Variants in HPSE2 observed in about 807,000 individuals in gnomAD.
HPSE2 encodes heparanase 2 (inactive), also known as inactive heparanase-2.
In HPSE2, 38 loss-of-function variants were observed where a neutral mutation model predicts 60.5. The observed-to-expected ratio is 0.63, with a 90% CI of 0.48 to 0.82. The LOEUF is 0.82. Among genes scored for constraint, HPSE2 ranks in the 40% least tolerant of loss-of-function variants. The pLI is 0.00. For synonymous variants in HPSE2, 295 were observed against 293.2 expected, an observed-to-expected ratio of 1.01 and a Z score of -0.06; for missense variants, 713 against 740.4, an observed-to-expected ratio of 0.96 and a Z score of 0.43.
chr10:99,027,956 C>G (rs907298614), intron 3 of HPSE2, among the ~76,000 whole-genome samples: 14 of 152,170 alleles, frequency 9.2e-5, no homozygotes, highest in Admixed American at 6.6e-4. Context: ...ATTTACCATC[C>G]CTTCATAATA....
chr10:99,216,188 C>CTTTTTTTTT (rs550046406), intron 2 of HPSE2, among the ~76,000 whole-genome samples: 2 of 97,650 alleles, frequency 2.0e-5, no homozygotes, highest in African/African-American at 8.4e-5. Context: ...ATAACCTAAA[C>CTTTTTTTTT]TTTTTTTTTT....
intron 6 of HPSE2, among the ~76,000 whole-genome samples, chr10:98,687,264 G>C (rs1247655931): frequency 6.6e-6 from 1 of 152,120 alleles, no homozygotes; most frequent in Non-Finnish European, 1.5e-5. Context: ...AGATGCTAAG[G>C]GAAAATTCAT....
chr10:99,272,753 T>TA, the HPSE2 span, among the ~76,000 whole-genome samples: 16 of 150,990 alleles, frequency 1.1e-4, no homozygotes, highest in East Asian at 1.9e-4. Flanking sequence ...GTGGGCATAA[T>TA]AAAAAAAAAT....
At chr10:98,525,529 G>T (rs1942939457) in intron 9 of HPSE2, among the ~76,000 whole-genome samples, 1 of 152,234 alleles carries the variant, frequency 6.6e-6, no homozygotes, top group East Asian at 1.9e-4. Context: ...TTTTGACAAT[G>T]AAAGGAAAAG....
intron 6 of HPSE2, among the ~76,000 whole-genome samples, chr10:98,642,542 G>C (rs1226794066): frequency 6.6e-6 from 1 of 152,278 alleles, no homozygotes; most frequent in East Asian, 1.9e-4. Flanking sequence ...ATGTACAAAG[G>C]TGGAAGGGCC....
chr10:99,153,732 A>G (rs1846391059), intron 2 of HPSE2, among the ~76,000 whole-genome samples: 1 of 152,372 alleles, frequency 6.6e-6, no homozygotes, highest in South Asian at 2.1e-4. Context: ...CTCACCAGCA[A>G]CAGAACAAAG....
intron 3 of HPSE2, among the ~76,000 whole-genome samples, chr10:98,917,334 A>T (rs1954148678): frequency 6.6e-6 from 1 of 152,218 alleles, no homozygotes; most frequent in Non-Finnish European, 1.5e-5. Context: ...CCAGAATTGT[A>T]TTTTGTATGC....
chr10:98,472,827 ATAGT>A (rs1307982157), intron 11 of HPSE2, among the ~76,000 whole-genome samples: 2 of 136,310 alleles, frequency 1.5e-5, no homozygotes, highest in Non-Finnish European at 3.2e-5. Flanking sequence ...TAATACTCTA[ATAGT>A]TAGAAAAATA....
rs564220518 is a variant in HPSE2, at chr10:98,908,036, A to G, written c.611-163980T>C. 8.5e-5 allele frequency among the ~76,000 whole-genome samples: 13 copies of G among 152,332 alleles called. No individual in the cohort carries two copies. In the South Asian group the frequency reaches 2.7e-3, roughly 32 times the overall value. On this transcript the variant is annotated intron_variant, in intron 3 of 11. Coordinates refer to ENST00000370552, the MANE Select transcript of HPSE2 (RefSeq NM_021828.5). ...CCAAGAGATGCAAAACATACCCAAG[A>G]TACCAAAGTGAAAGCATAAGACTGA...
intron 3 of HPSE2, among the ~76,000 whole-genome samples, chr10:98,987,581 C>T (rs1956398830): frequency 6.6e-6 from 1 of 152,086 alleles, no homozygotes; most frequent in Non-Finnish European, 1.5e-5. Flanking sequence ...TGAAAACTGG[C>T]ACAAGACAGG....
chr10:98,852,070 T>C (rs1263947645), intron 3 of HPSE2, among the ~76,000 whole-genome samples: 1 of 151,544 alleles, frequency 6.6e-6, no homozygotes, highest in Non-Finnish European at 1.5e-5. Context: ...TTTAAAAAAC[T>C]AATCCTCTTT....
chr10:98,711,353 T>TTG, intron 5 of HPSE2, among the ~76,000 whole-genome samples: 2 of 152,298 alleles, frequency 1.3e-5, no homozygotes, highest in Middle Eastern at 6.8e-3. Flanking sequence ...CAAGCCCTGC[T>TTG]ATAAACCTGA....
At chr10:98,819,102 A>G (rs1276053664) in intron 3 of HPSE2, among the ~76,000 whole-genome samples, 4 of 152,252 alleles carry the variant, frequency 2.6e-5, no homozygotes, top group African/African-American at 9.6e-5. Flanking sequence ...ATTGCATACA[A>G]TTAAAACAAG....
intron 6 of HPSE2, among the ~76,000 whole-genome samples, chr10:98,683,374 C>A (rs1409350759): frequency 6.8e-6 from 1 of 147,914 alleles, no homozygotes; most frequent in African/African-American, 2.5e-5. Flanking sequence ...AACAAACTAC[C>A]TACTGGAAAA....
chr10:99,215,318 T>C (rs1173616833), intron 2 of HPSE2, among the ~76,000 whole-genome samples: 1 of 152,228 alleles, frequency 6.6e-6, no homozygotes, highest in African/African-American at 2.4e-5. Flanking sequence ...TGCAAGGACA[T>C]GGATGAAGCT....
chr10:98,879,766 T>C (rs1232523814), intron 3 of HPSE2, among the ~76,000 whole-genome samples: 2 of 151,908 alleles, frequency 1.3e-5, no homozygotes, highest in Non-Finnish European at 2.9e-5. Context: ...AGCAAACATT[T>C]GTGGCGTTGG....
At chr10:98,589,706 C>A (rs1291431628) in intron 9 of HPSE2, among the ~76,000 whole-genome samples, 1 of 152,204 alleles carries the variant, frequency 6.6e-6, no homozygotes, top group Non-Finnish European at 1.5e-5. Context: ...TGATCCATCA[C>A]CCTGTCACCA....
the HPSE2 span, among the ~76,000 whole-genome samples, chr10:99,310,553 T>C: frequency 5.9e-5 from 9 of 152,320 alleles, no homozygotes; most frequent in East Asian, 1.7e-3. Flanking sequence ...TAAAGAAAAT[T>C]GTTATATCAC....
intron 3 of HPSE2, among the ~76,000 whole-genome samples, chr10:98,870,288 C>G (rs1589980462): frequency 6.6e-6 from 1 of 152,112 alleles, no homozygotes; most frequent in Non-Finnish European, 1.5e-5. Context: ...CTGAGATGTC[C>G]TTAGAGTCAG....
Sources: gnomAD v4.1 joint callset for allele counts (sites outside exome capture counted in the v4.1 genomes callset) on GRCh38, gnomAD v4.1.1 for gene constraint, MANE v1.5 for transcripts, NCBI Gene and HGNC (gene_info 2026-07-23, HGNC 2026-07-21) for gene names.